The following SIPA1L3 variants were observed in gnomAD, a reference collection of about 807,000 sequenced individuals.
The protein encoded by SIPA1L3 is signal induced proliferation associated 1 like 3, also known as signal-induced proliferation-associated 1-like protein 3.
A neutral mutation model predicts 150.1 loss-of-function variants in SIPA1L3; 59 were observed. The observed-to-expected ratio is 0.39, with a 90% CI of 0.32 to 0.49. The LOEUF is 0.49. Among genes scored for constraint, SIPA1L3 ranks in the 20% least tolerant of loss-of-function variants. SIPA1L3 has a pLI of 0.86. For synonymous variants in SIPA1L3, 1,070 were observed against 1,077.6 expected (o/e 0.99, Z 0.14); for missense variants, 2,211 against 2,489.5 (o/e 0.89, Z 2.38).
chr19:38,082,045 C>T lies in SIPA1L3; in HGVS notation c.480C>T (p.Gly160=), dbSNP rs374724930. 3 of 1,613,838 alleles carry T rather than the reference C, an allele frequency of 1.9e-6. No individual in the cohort carries two copies. Among genetic ancestry groups the T allele is most frequent in the East Asian group, 2.2e-5 (1 of 44,894 alleles). ...AGGACGGGTGGCCCCGGTCCCCCGG[C>T]AGGGCCTTCCTCCCCCTTCGGCACC... ...EFQDGWPRSP[G]RAFLPLRHRS... is the part of the protein sequence containing the mutation. Residue 160 remains glycine, a synonymous_variant, in exon 3 of 22, where the codon GGC becomes GGT. Coordinates refer to ENST00000222345, the MANE Select transcript of SIPA1L3 (RefSeq NM_015073.3).
chr19:38,118,852 G>A (rs1431675449), intron 8 of SIPA1L3, among the ~76,000 whole-genome samples: 3 of 151,876 alleles, frequency 2.0e-5, no homozygotes, highest in Non-Finnish European at 2.9e-5. Context: ...ATTAGATTTC[G>A]AATCTGGTTA....
intron 19 of SIPA1L3, 23 bp downstream of exon 19, chr19:38,198,555 C>T (rs1251386616): frequency 1.2e-5 from 18 of 1,484,476 alleles, no homozygotes; most frequent in Non-Finnish European, 1.5e-5. Context: ...CACCCAGTCC[C>T]GCCAGGCCCC....
intron 15 of SIPA1L3, among the ~76,000 whole-genome samples, chr19:38,182,187 T>C (rs1207463970): frequency 1.3e-5 from 2 of 148,502 alleles, no homozygotes; most frequent in Admixed American, 1.3e-4. Flanking sequence ...CTGTAAGCCA[T>C]AGTTCCCTGT....
chr19:38,198,424 G>T lies in SIPA1L3; in HGVS notation c.4876G>T (p.Gly1626Trp). 1.3e-6 allele frequency: 2 copies of T among 1,591,874 alleles called. No homozygotes were observed. The highest frequency in any genetic ancestry group is 1.7e-6 in the Non-Finnish European group (2 of 1,170,558). The change falls in exon 19 of 22, where the codon GGG becomes TGG. Residue 1626 changes from glycine to tryptophan, a missense_variant. Physicochemically the swap from Gly to Trp is radical, Grantham distance 184 (BLOSUM62 -2). This residue lies in a region of SIPA1L3 where 806 missense variants were observed against 870.1 expected (regional missense o/e 0.93). Coordinates refer to ENST00000222345, the MANE Select transcript of SIPA1L3 (RefSeq NM_015073.3). ...ISASELSLAD[G>W]RDRPLRRLDP... ...AGCCTCGGAGCTCTCGCTGGCTGAT[G>T]GGCGGGACCGCCCCCTGCGGCGCCT...
At chr19:38,173,066 C>CA (rs757405536) in intron 15 of SIPA1L3, among the ~76,000 whole-genome samples, 1 of 152,190 alleles carries the variant, frequency 6.6e-6, no homozygotes, top group Non-Finnish European at 1.5e-5. Flanking sequence ...CACATCACTG[C>CA]ACTCAGCCTG....
intron 1 of SIPA1L3, among the ~76,000 whole-genome samples, chr19:37,990,129 G>GCCCTA (rs1967466732): frequency 6.6e-6 from 1 of 152,154 alleles, no homozygotes; most frequent in Admixed American, 6.5e-5. Context: ...TCCTGTTTCT[G>GCCCTA]CCCTACGGCC....
At chr19:38,119,139 T>C (rs932160426) in intron 8 of SIPA1L3, among the ~76,000 whole-genome samples, 167 bp from the exon 9 acceptor site, 5 of 152,178 alleles carry the variant, frequency 3.3e-5, no homozygotes, top group Admixed American at 1.3e-4. Context: ...AAAGCTGCAG[T>C]GCGCTATGAT....
intron 15 of SIPA1L3, among the ~76,000 whole-genome samples, chr19:38,170,417 G>A (rs62121457): frequency 0.021 from 3,231 of 152,190 alleles, 62 homozygotes; most frequent in Middle Eastern, 0.044. Flanking sequence ...ATGTGCTGTC[G>A]TCAGAACGTG....
At chr19:38,064,240 A>G (rs1306562649) in intron 2 of SIPA1L3, among the ~76,000 whole-genome samples, 1 of 152,182 alleles carries the variant, frequency 6.6e-6, no homozygotes, top group East Asian at 1.9e-4. Context: ...ACAGAGACTC[A>G]GAGGGGCGCC....
Position 38,110,217 on chromosome 19 carries a change from C to A in SIPA1L3, c.2134-10C>A. 2.5e-6 allele frequency: 4 copies of A among 1,613,734 alleles called. No homozygotes were observed. Among genetic ancestry groups the A allele is most frequent in the Non-Finnish European group, 3.4e-6 (4 of 1,179,730 alleles). ...ACAGGTTCCTGTCCCCCTCTGTTGC[C>A]CTTTCCCAGCTGCTACGGAAGAGGC... On this transcript the variant is annotated splice_polypyrimidine_tract_variant and intron_variant, in intron 7 of 21. Coordinates refer to ENST00000222345, the MANE Select transcript of SIPA1L3 (RefSeq NM_015073.3).
At chr19:38,008,108 G>A (rs1968003139) in intron 1 of SIPA1L3, among the ~76,000 whole-genome samples, 1 of 152,024 alleles carries the variant, frequency 6.6e-6, no homozygotes, top group South Asian at 2.1e-4. Context: ...GCGGACCTCA[G>A]GCCCCCAGAG....
At chr19:38,197,196 G>A (rs1972977803) in intron 18 of SIPA1L3, among the ~76,000 whole-genome samples, 1 of 152,068 alleles carries the variant, frequency 6.6e-6, no homozygotes, top group Non-Finnish European at 1.5e-5. Context: ...GGAGGTGCCG[G>A]GAATGCAGAG....
intron 15 of SIPA1L3, among the ~76,000 whole-genome samples, chr19:38,182,151 A>G (rs1972569584): frequency 2.6e-5 from 4 of 151,018 alleles, no homozygotes; most frequent in Admixed American, 6.6e-5. Context: ...AAAAAAAAAG[A>G]AAGGTTAGGA....
intron 1 of SIPA1L3, among the ~76,000 whole-genome samples, chr19:37,973,976 TG>T (rs1164047059): frequency 6.6e-6 from 1 of 151,692 alleles, no homozygotes; most frequent in East Asian, 1.9e-4. Context: ...CAACAGAGAG[TG>T]GGCAGCTCAG....
At chr19:38,054,572 A>G (rs1382990390) in intron 2 of SIPA1L3, among the ~76,000 whole-genome samples, 2 of 152,178 alleles carry the variant, frequency 1.3e-5, no homozygotes, top group African/African-American at 4.8e-5. Context: ...GCACTCCAGC[A>G]TGGGCGACAG....
At chr19:37,995,397 G>A (rs1039548480) in intron 1 of SIPA1L3, among the ~76,000 whole-genome samples, 31 of 152,218 alleles carry the variant, frequency 2.0e-4, no homozygotes, top group African/African-American at 6.5e-4. Context: ...TGGAGGGACA[G>A]AGCAGGGATC....
At chr19:38,132,711 A>T (rs1478705822) in intron 10 of SIPA1L3, among the ~76,000 whole-genome samples, 1 of 149,352 alleles carries the variant, frequency 6.7e-6, no homozygotes, top group Non-Finnish European at 1.5e-5. Context: ...GCAGTGGCGC[A>T]ATCTTGGCTC....
At chr19:38,128,268 T>C (rs969736000) in intron 9 of SIPA1L3, among the ~76,000 whole-genome samples, 1 of 151,972 alleles carries the variant, frequency 6.6e-6, no homozygotes, top group Non-Finnish European at 1.5e-5. Flanking sequence ...GCCGTAGTAA[T>C]AGGATGGGAA....
At chr19:37,918,752 T>G (rs1302233520) in intron 1 of SIPA1L3, among the ~76,000 whole-genome samples, 1 of 151,802 alleles carries the variant, frequency 6.6e-6, no homozygotes. Context: ...GCACCTGTAA[T>G]CCCAGCTACT....
Sources: allele counts gnomAD v4.1 joint callset (sites outside exome capture counted in the v4.1 genomes callset), GRCh38; gene constraint gnomAD v4.1.1; regional missense constraint gnomAD v4.1.1; transcripts MANE v1.5; gene names NCBI Gene and HGNC (gene_info 2026-07-23, HGNC 2026-07-21).